HNRNPUL1: variants seen among roughly 807,000 people sequenced by gnomAD.
The protein encoded by HNRNPUL1 is heterogeneous nuclear ribonucleoprotein U-like protein 1.
Under a neutral mutation model 108.5 loss-of-function variants are expected in HNRNPUL1, and 14 were observed. The ratio of observed to expected loss-of-function variants is 0.13; its 90% CI spans 0.09 to 0.20. HNRNPUL1 has a LOEUF of 0.20. HNRNPUL1 is among the 10% of genes least tolerant of loss of function. HNRNPUL1 has a pLI of 1.00. For synonymous variants in HNRNPUL1, 422 were observed against 445.2 expected, an observed-to-expected ratio of 0.95 and a Z score of 0.66; for missense variants, 804 against 1,168.3, an observed-to-expected ratio of 0.69 and a Z score of 4.55.
intron 3 of HNRNPUL1, among the ~76,000 whole-genome samples, chr19:41,272,752 GAGGTGAGTAGTCAGGATGC>G (rs1385332591): frequency 6.6e-6 from 1 of 152,170 alleles, no homozygotes; most frequent in African/African-American, 2.4e-5. Context: ...CACAACCTCT[GAGGTGAGTAGTCAGGATGC>G]AGGTGAGTTT....
chr19:41,305,888 C>A, intron 14 of HNRNPUL1, 21 bp downstream of exon 14: 1 of 1,500,506 alleles, frequency 6.7e-7, no homozygotes, highest in Non-Finnish European at 9.2e-7. Flanking sequence ...GACTGGGGGC[C>A]AACTGGATGG....
chr19:41,287,481 T>G (rs1210982674), intron 7 of HNRNPUL1, among the ~76,000 whole-genome samples: 1 of 152,186 alleles, frequency 6.6e-6, no homozygotes, highest in Non-Finnish European at 1.5e-5. Context: ...TCATATTGCA[T>G]TCTCTTGCCA....
chr19:41,263,701 G>A (rs566473816), upstream of HNRNPUL1, among the ~76,000 whole-genome samples: 3 of 152,160 alleles, frequency 2.0e-5, no homozygotes, highest in Non-Finnish European at 4.4e-5. Context: ...CTCCTACAGC[G>A]AAATTTGTGA....
In HNRNPUL1 at chr19:41,270,575, A is replaced by G. The variant is rs530158639; in HGVS notation, c.419-1507A>G. On this transcript the variant is annotated intron_variant, in intron 2 of 14. Transcript: ENST00000392006. ...TCTTTACAGAACAAAGTTCCCCATG[A>G]TGCCAACTCTCCCTTCCCTTTTTTT... Among the ~76,000 whole-genome samples, 223 of 147,894 alleles carry G rather than the reference A, an allele frequency of 1.5e-3. 3 individuals are homozygous for G. Among genetic ancestry groups the G allele is most frequent in the Middle Eastern group, 3.6e-3 (1 of 274 alleles).
chr19:41,280,691 T>C (rs781105232), intron 6 of HNRNPUL1, among the ~76,000 whole-genome samples: 4 of 152,188 alleles, frequency 2.6e-5, no homozygotes, highest in Admixed American at 6.5e-5. Flanking sequence ...CTCAGTCATA[T>C]CACTTCAGCA....
At chr19:41,301,730 A>T (rs1210805070) in intron 11 of HNRNPUL1, 26 bp downstream of exon 11, 1 of 1,596,632 alleles carries the variant, frequency 6.3e-7, no homozygotes, top group African/African-American at 1.3e-5. Context: ...TTCCCAGAGG[A>T]ACGTCAATGC....
At chr19:41,268,153 T>C in intron 1 of HNRNPUL1, 70 bp from the exon 2 acceptor site, 1 of 1,539,590 alleles carries the variant, frequency 6.5e-7, no homozygotes, top group Non-Finnish European at 8.9e-7. Flanking sequence ...GCAGATGCCT[T>C]CTGGATGCTT....
Position 41,276,332 on chromosome 19 carries a change from G to T in HNRNPUL1, c.786+34G>T, listed in dbSNP as rs1463824223. ...GAGCAAGAGAAGGGGAAGGGACAGA[G>T]AAGTCCATCCATTGTAATATCCTGA... On this transcript the variant is annotated intron_variant, in intron 5 of 14. Coordinates refer to ENST00000392006, the MANE Select transcript of HNRNPUL1 (RefSeq NM_007040.6). The T allele has an allele frequency of 7.6e-6, 12 of 1,573,706 alleles. No homozygotes were observed. The South Asian group carries it at 1.2e-4, about 15-fold the overall frequency.
At chr19:41,265,093 G>A (rs2034736642) in intron 1 of HNRNPUL1, 20 of 1,415,314 alleles carry the variant, frequency 1.4e-5, no homozygotes, top group Non-Finnish European at 1.7e-5. Flanking sequence ...ACTGCTTTCT[G>A]GAGCCGAAGA....
In HNRNPUL1 at chr19:41,281,289, G is replaced by A; in HGVS notation, c.999+14G>A. On this transcript the variant is annotated intron_variant, in intron 7 of 14. Coordinates refer to ENST00000392006, the MANE Select transcript of HNRNPUL1 (RefSeq NM_007040.6). Reference sequence around the variant, plus strand: ...GGCTGCTTTGCGGTGAGTGCTAGCAGCCTGTGGGAGTTGGCAGAACCAGAT... The same window carrying A: ...GGCTGCTTTGCGGTGAGTGCTAGCAACCTGTGGGAGTTGGCAGAACCAGAT... 2 of 1,572,206 alleles carry A rather than the reference G, an allele frequency of 1.3e-6. No homozygotes were observed. Among genetic ancestry groups the A allele is most frequent in the East Asian group, 2.2e-5 (1 of 44,662 alleles).
At chr19:41,277,123 CAAAA>C (rs1000989084) in intron 5 of HNRNPUL1, among the ~76,000 whole-genome samples, 2 of 149,258 alleles carry the variant, frequency 1.3e-5, no homozygotes, top group East Asian at 3.9e-4. Context: ...AAAACAAAAA[CAAAA>C]AAAACAAAAC....
chr19:41,269,704 G>C (rs2122463604), intron 2 of HNRNPUL1, among the ~76,000 whole-genome samples: 1 of 147,806 alleles, frequency 6.8e-6, no homozygotes, highest in East Asian at 2.1e-4. Context: ...TCAGAAGACT[G>C]AGTCAGGAGG....
chr19:41,290,003 A>G (rs2036490414), intron 7 of HNRNPUL1, among the ~76,000 whole-genome samples: 1 of 151,586 alleles, frequency 6.6e-6, no homozygotes, highest in Non-Finnish European at 1.5e-5. Context: ...GAACCACCAC[A>G]TCCAGCCGCT....
intron 12 of HNRNPUL1, 25 bp from the exon 13 acceptor site, chr19:41,303,947 T>A (rs753231186): frequency 6.3e-7 from 1 of 1,587,540 alleles, no homozygotes; most frequent in Non-Finnish European, 8.6e-7. Flanking sequence ...TGATGGCGCC[T>A]TTCATCTGGA....
Position 41,292,422 on chromosome 19 carries a change from G to C in HNRNPUL1, c.1177G>C (p.Val393Leu). 6.2e-7 allele frequency: 1 copy of C among 1,614,208 alleles called. No individual in the cohort carries two copies. The highest frequency in any genetic ancestry group is 1.1e-5 in the South Asian group (1 of 91,084). Reference sequence around the variant, plus strand: ...ACAGAGAGCAGAGCCCTACTGTTCTGTCCTCCCGGGGTTTACCTTCATCCA... The same window carrying C: ...ACAGAGAGCAGAGCCCTACTGTTCTCTCCTCCCGGGGTTTACCTTCATCCA... ...FGQRAEPYCS[V>L]LPGFTFIQHL... Residue 393 changes from valine to leucine, a missense_variant, in exon 8 of 15, where the codon GTC (valine) becomes CTC (leucine). By Grantham distance (32) the Val-to-Leu change is conservative. Coordinates refer to ENST00000392006, the MANE Select transcript of HNRNPUL1 (RefSeq NM_007040.6). The surrounding 1 kb of genome is among the most constrained non-coding windows in gnomAD (Gnocchi z 4.1).
intron 10 of HNRNPUL1, among the ~76,000 whole-genome samples, chr19:41,297,641 C>T (rs1359432655): frequency 1.3e-5 from 2 of 152,122 alleles, no homozygotes; most frequent in Non-Finnish European, 2.9e-5. Flanking sequence ...GGGGAGCCTC[C>T]GCAGGGCCAT....
intron 5 of HNRNPUL1, among the ~76,000 whole-genome samples, chr19:41,277,567 CGCG>C (rs2035644719): frequency 2.0e-5 from 3 of 152,252 alleles, no homozygotes; most frequent in South Asian, 4.1e-4. Flanking sequence ...AGTGCAGTGG[CGCG>C]ATCTCGGCTC....
chr19:41,264,407 C>G lies in HNRNPUL1; in HGVS notation c.-97C>G, dbSNP rs1441742902. On this transcript the variant is annotated 5_prime_UTR_variant, in exon 1 of 15. Coordinates refer to ENST00000392006, the MANE Select transcript of HNRNPUL1 (RefSeq NM_007040.6). The stretch of plus-strand genomic sequence containing the variant: ...GCTGCCGCCATTGGAGTGGGCCCCC[C>G]CCCTTTCCCCCTTCGCCTCCTGACA... 1.9e-6 allele frequency: 2 copies of G among 1,072,792 alleles called. No individual in the cohort carries two copies. Among genetic ancestry groups the G allele is most frequent in the African/African-American group, 1.6e-5 (1 of 60,896 alleles). The allele number at this position is 1,072,792 out of a possible 1,614,324, so 66.5% of individuals were successfully genotyped here. A position where few individuals can be genotyped will look rare whatever the true frequency, so the allele number is the denominator to read the frequency against.
chr19:41,272,373 C>A, intron 3 of HNRNPUL1, 138 bp downstream of exon 3: 1 of 869,550 alleles, frequency 1.2e-6, no homozygotes, highest in Non-Finnish European at 1.7e-6. Flanking sequence ...CCTGTCCCTT[C>A]CCGTACTTGC....
Sources: allele counts gnomAD v4.1 joint callset (sites outside exome capture counted in the v4.1 genomes callset), GRCh38; gene constraint gnomAD v4.1.1; non-coding constraint Gnocchi (gnomAD v3.1); transcripts MANE v1.5; gene names NCBI Gene and HGNC (gene_info 2026-07-23, HGNC 2026-07-21).